The following FAM135B variants were observed in gnomAD, a reference collection of about 807,000 sequenced individuals.
FAM135B encodes the protein protein FAM135B.
Under a neutral mutation model 127.7 loss-of-function variants are expected in FAM135B, and 43 were observed. That is an observed-to-expected ratio of 0.34 (90% confidence interval 0.26 to 0.43). FAM135B has a LOEUF of 0.43. Ranked by LOEUF, FAM135B falls within the 20% of genes least tolerant of loss-of-function variation. The pLI, the probability that FAM135B is intolerant of heterozygous loss-of-function variation, is 1.00. For synonymous variants in FAM135B, 670 were observed against 665.1 expected, an observed-to-expected ratio of 1.01 and a Z score of -0.11; for missense variants, 1,558 against 1,725.6, an observed-to-expected ratio of 0.90 and a Z score of 1.72.
chr8:138,485,477 T>C (rs1814949358), intron 1 of FAM135B, among the ~76,000 whole-genome samples: 1 of 152,236 alleles, frequency 6.6e-6, no homozygotes, highest in African/African-American at 2.4e-5. Flanking sequence ...AGAATAAACA[T>C]TGATTAATCT....
chr8:138,346,717 T>C (rs920902797), intron 2 of FAM135B, among the ~76,000 whole-genome samples: 9 of 152,164 alleles, frequency 5.9e-5, no homozygotes, highest in African/African-American at 2.2e-4. Flanking sequence ...CAATGAACAC[T>C]GGGCTTAATA....
chr8:138,333,082 T>C (rs910666704), intron 2 of FAM135B, among the ~76,000 whole-genome samples: 2 of 152,166 alleles, frequency 1.3e-5, no homozygotes, highest in African/African-American at 4.8e-5. Context: ...TAGAATGTTA[T>C]TAAATCAAAG....
At chr8:138,479,413 C>A (rs181372776) in intron 1 of FAM135B, among the ~76,000 whole-genome samples, 4 of 152,188 alleles carry the variant, frequency 2.6e-5, no homozygotes, top group Non-Finnish European at 2.9e-5. Context: ...CCCCACTCCC[C>A]TCGTCTAGGG....
intron 1 of FAM135B, among the ~76,000 whole-genome samples, chr8:138,368,257 C>G (rs1260558171): frequency 6.6e-6 from 1 of 152,140 alleles, no homozygotes; most frequent in Non-Finnish European, 1.5e-5. Context: ...GAGCTGGTCC[C>G]CTGCCCTTTC....
intron 9 of FAM135B, among the ~76,000 whole-genome samples, chr8:138,193,732 C>A (rs1022001803): frequency 1.1e-4 from 17 of 152,290 alleles, no homozygotes; most frequent in African/African-American, 3.8e-4. Flanking sequence ...GAAGAGCAGA[C>A]CCCATGAGCA....
rs751104528 is a variant in FAM135B, at chr8:138,152,958, T to A, written c.1517A>T (p.Glu506Val). The A allele has an allele frequency of 5.0e-6, 8 of 1,614,206 alleles. No homozygotes were observed. Among genetic ancestry groups the A allele is most frequent in the Non-Finnish European group, 6.8e-6 (8 of 1,180,040 alleles). ...AGGCACACCTGCTTTGTTTTGAAAT[T>A]CACCAATTGATATATACACCTGAGA... The part of the protein sequence containing the change: ...SESQVYISIG[E>V]FQNKAGVPED... Residue 506 changes from glutamate to valine, a missense_variant, in exon 13 of 20, where the codon GAA (glutamate) becomes GTA (valine). Glu to Val is a moderately radical substitution (Grantham distance 121). This residue lies in a region of FAM135B where 923 missense variants were observed against 865.3 expected (regional missense o/e 1.07). Transcript: ENST00000395297.
At chr8:138,294,467 C>T (rs1317800959) in intron 3 of FAM135B, among the ~76,000 whole-genome samples, 2 of 151,980 alleles carry the variant, frequency 1.3e-5, no homozygotes, top group African/African-American at 4.8e-5. Context: ...AATTATACCT[C>T]AATAAAGCTA....
At chr8:138,368,736 A>G (rs1009091652) in intron 1 of FAM135B, among the ~76,000 whole-genome samples, 7 of 152,118 alleles carry the variant, frequency 4.6e-5, no homozygotes, top group Non-Finnish European at 1.0e-4. Flanking sequence ...AGATGGTTGA[A>G]TGGAAAAGAT....
At chr8:138,385,950 G>A (rs1194191090) in intron 1 of FAM135B, among the ~76,000 whole-genome samples, 3 of 152,064 alleles carry the variant, frequency 2.0e-5, no homozygotes, top group Non-Finnish European at 2.9e-5. Flanking sequence ...AGCCAGGCAC[G>A]TGGCTCATGC....
chr8:138,446,366 A>G (rs2131570516), intron 1 of FAM135B, among the ~76,000 whole-genome samples: 1 of 152,256 alleles, frequency 6.6e-6, no homozygotes, highest in Admixed American at 6.5e-5. Context: ...AAGCCAAAAG[A>G]ACAAAGCTGG....
chr8:138,454,017 A>G (rs1836639165), intron 1 of FAM135B, among the ~76,000 whole-genome samples: 1 of 152,058 alleles, frequency 6.6e-6, no homozygotes. Flanking sequence ...TGGTCGAGCT[A>G]TGCGTGCAAC....
chr8:138,161,928 C>G (rs1819440346), intron 12 of FAM135B, among the ~76,000 whole-genome samples: 1 of 149,734 alleles, frequency 6.7e-6, no homozygotes, highest in Non-Finnish European at 1.5e-5. Flanking sequence ...TTCTATAGCC[C>G]CAAGGCTAGC....
At chr8:138,475,634 A>G (rs544370313) in intron 1 of FAM135B, among the ~76,000 whole-genome samples, 10 of 152,158 alleles carry the variant, frequency 6.6e-5, no homozygotes, top group Non-Finnish European at 1.3e-4. Context: ...GTTACTCAAT[A>G]TCCGCTGCCT....
At chr8:138,333,244 G>A (rs544532375) in intron 2 of FAM135B, among the ~76,000 whole-genome samples, 20 of 152,046 alleles carry the variant, frequency 1.3e-4, no homozygotes, top group Non-Finnish European at 2.5e-4. Flanking sequence ...ACTAAACCTC[G>A]GACCCTGTTT....
At chr8:138,222,229 T>C (rs1586812858) in intron 7 of FAM135B, among the ~76,000 whole-genome samples, 1 of 151,994 alleles carries the variant, frequency 6.6e-6, no homozygotes, top group Non-Finnish European at 1.5e-5. Context: ...AAAAGGCAGA[T>C]ACAGGAGGAG....
intron 2 of FAM135B, among the ~76,000 whole-genome samples, chr8:138,318,964 T>A (rs1025323973): frequency 6.6e-6 from 1 of 152,326 alleles, no homozygotes; most frequent in East Asian, 1.9e-4. Flanking sequence ...TGCAAGATAC[T>A]GTTTGATCCC....
intron 19 of FAM135B, among the ~76,000 whole-genome samples, chr8:138,134,671 T>C (rs927133819): frequency 3.3e-5 from 5 of 152,018 alleles, no homozygotes; most frequent in African/African-American, 1.2e-4. Flanking sequence ...AAAATAAAAA[T>C]ATTGGTACTT....
intron 2 of FAM135B, among the ~76,000 whole-genome samples, chr8:138,352,520 T>A (rs2131127297): frequency 6.6e-6 from 1 of 152,334 alleles, no homozygotes; most frequent in East Asian, 1.9e-4. Context: ...CTTGGGTTCC[T>A]CCTGGGAGCC....
intron 1 of FAM135B, among the ~76,000 whole-genome samples, chr8:138,428,995 C>T (rs1030074619): frequency 5.9e-5 from 9 of 152,182 alleles, no homozygotes; most frequent in South Asian, 4.1e-4. Flanking sequence ...GTCATACTCC[C>T]TGTTCTTCAG....
Sources: gnomAD v4.1 joint callset for allele counts (sites outside exome capture counted in the v4.1 genomes callset) on GRCh38, gnomAD v4.1.1 for gene constraint, gnomAD v4.1.1 regional missense constraint, MANE v1.5 for transcripts, NCBI Gene and HGNC (gene_info 2026-07-23, HGNC 2026-07-21) for gene names.